Variants in MKLN1 observed in about 807,000 individuals in gnomAD.
MKLN1 encodes muskelin.
In MKLN1, 18 loss-of-function variants were observed where a neutral mutation model predicts 99.0. The ratio of observed to expected loss-of-function variants is 0.18; its 90% CI spans 0.13 to 0.27. The LOEUF (loss-of-function observed/expected upper bound fraction) is 0.27, where lower values mean the gene tolerates loss of function less well. Among genes scored for constraint, MKLN1 ranks in the 10% least tolerant of loss-of-function variants. The pLI is 1.00. For missense variants in MKLN1, 621 were observed against 875.9 expected (o/e 0.71, Z 3.67); for synonymous variants, 288 against 293.2 (o/e 0.98, Z 0.18).
intron 1 of MKLN1, among the ~76,000 whole-genome samples, chr7:131,339,122 A>G (rs1439772866): frequency 6.6e-6 from 1 of 152,228 alleles, no homozygotes. Context: ...TAAGGCTTCT[A>G]GTCAACAGTA....
chr7:131,152,603 G>A (rs945017229), intron 2 of MKLN1, among the ~76,000 whole-genome samples: 3 of 150,684 alleles, frequency 2.0e-5, no homozygotes, highest in East Asian at 3.9e-4. Context: ...GGGGTCAAGC[G>A]ATTCTCCTGC....
chr7:131,350,957 A>C (rs933212174), intron 1 of MKLN1, among the ~76,000 whole-genome samples: 3 of 152,228 alleles, frequency 2.0e-5, no homozygotes, highest in Non-Finnish European at 2.9e-5. Flanking sequence ...TAATTCTTTA[A>C]TTACAATTAA....
intron 3 of MKLN1, among the ~76,000 whole-genome samples, chr7:131,213,821 G>T (rs34282776): frequency 6.6e-6 from 1 of 151,934 alleles, no homozygotes; most frequent in Non-Finnish European, 1.5e-5. Flanking sequence ...TTATTGCTTC[G>T]CATGAGTTCT....
chr7:131,221,569 C>T (rs1466169529), intron 3 of MKLN1, among the ~76,000 whole-genome samples: 2 of 147,960 alleles, frequency 1.4e-5, no homozygotes, highest in Non-Finnish European at 3.0e-5. Flanking sequence ...AGGGCAGTGG[C>T]ATGATTTAGG....
intron 17 of MKLN1, among the ~76,000 whole-genome samples, chr7:131,486,381 T>C (rs149477485): frequency 6.6e-6 from 1 of 152,216 alleles, no homozygotes; most frequent in East Asian, 1.9e-4. Flanking sequence ...TTTGTTAAAC[T>C]CAAGCTCATC....
chr7:131,144,495 A>G (rs1291633101), intron 2 of MKLN1, among the ~76,000 whole-genome samples: 1 of 151,492 alleles, frequency 6.6e-6, no homozygotes, highest in Non-Finnish European at 1.5e-5. Context: ...AAAAAAAAAA[A>G]AGTTTTTCTT....
chr7:131,464,670 T>C (rs1161514015), intron 14 of MKLN1, among the ~76,000 whole-genome samples: 2 of 152,238 alleles, frequency 1.3e-5, no homozygotes, highest in Non-Finnish European at 2.9e-5. Context: ...TAGATCTAGA[T>C]ACATGACATA....
At chr7:131,397,405 A>G (rs770151372) in intron 5 of MKLN1, 29 bp downstream of exon 5, 1 of 1,180,528 alleles carries the variant, frequency 8.5e-7, no homozygotes, top group Non-Finnish European at 1.2e-6. Flanking sequence ...TCCTGACTTT[A>G]ATGCCTATAA....
At chr7:131,341,474 A>T (rs1584624872) in intron 1 of MKLN1, among the ~76,000 whole-genome samples, 2 of 152,156 alleles carry the variant, frequency 1.3e-5, no homozygotes, top group East Asian at 1.9e-4. Flanking sequence ...TCCATTTAGG[A>T]TGTTGTTTTC....
At chr7:131,393,648 A>G (rs2116200493) in intron 4 of MKLN1, among the ~76,000 whole-genome samples, 1 of 151,988 alleles carries the variant, frequency 6.6e-6, no homozygotes, top group African/African-American at 2.4e-5. Context: ...TTTTTAAGAG[A>G]CAGGGTCTTT....
intron 1 of MKLN1, among the ~76,000 whole-genome samples, chr7:131,129,683 C>G (rs1048163773): frequency 1.3e-5 from 2 of 152,168 alleles, no homozygotes; most frequent in Non-Finnish European, 2.9e-5. Flanking sequence ...AAGTGATCCT[C>G]CTGACTCAGC....
intron 3 of MKLN1, among the ~76,000 whole-genome samples, chr7:131,240,209 A>G (rs993528625): frequency 6.6e-6 from 1 of 152,086 alleles, no homozygotes; most frequent in South Asian, 2.1e-4. Context: ...AATGGTGACT[A>G]TTATAAGTAA....
chr7:131,233,403 AATAAAAAT>A (rs1797272240), intron 3 of MKLN1, among the ~76,000 whole-genome samples: 1 of 148,956 alleles, frequency 6.7e-6, no homozygotes, highest in African/African-American at 2.5e-5. Flanking sequence ...TAAATAAATA[AATAAAAAT>A]AAAGTTTATA....
intron 1 of MKLN1, among the ~76,000 whole-genome samples, chr7:131,374,264 C>T (rs1315313142): frequency 6.6e-6 from 1 of 152,034 alleles, no homozygotes; most frequent in East Asian, 1.9e-4. Flanking sequence ...TGGAAACATA[C>T]CATTGTGGAA....
In MKLN1 at chr7:131,490,745, T is replaced by C. The variant is rs1169073201; in HGVS notation, c.*3017T>C. ...TTTAGAGCTCAGTGATTTAAGCTTG[T>C]AAAACTGCATTCTTGGGCAAAATAT... On this transcript the variant is annotated 3_prime_UTR_variant, in exon 18 of 18. Coordinates refer to ENST00000352689, the MANE Select transcript of MKLN1 (RefSeq NM_013255.5). 1.3e-5 allele frequency: 2 copies of C among 152,616 alleles called. No individual in the cohort carries two copies. Among genetic ancestry groups the C allele is most frequent in the Non-Finnish European group, 2.9e-5 (2 of 68,024 alleles). 9.5% of individuals were successfully genotyped at this position (152,616 alleles called of 1,614,324 possible).
In MKLN1 at chr7:131,490,007, C is replaced by T. The variant is rs1797385640; in HGVS notation, c.*2279C>T. 6.6e-6 allele frequency: 1 copy of T among 152,486 alleles called. No individual in the cohort carries two copies. Among genetic ancestry groups the T allele is most frequent in the South Asian group, 2.1e-4 (1 of 4,830 alleles). The allele number at this position is 152,486 out of a possible 1,614,324, so 9.4% of individuals were successfully genotyped here. A position where few individuals can be genotyped will look rare whatever the true frequency, so the allele number is the denominator to read the frequency against. ...AAAAGTCAGACTCTGTACTGTGGGG[C>T]TTTAATCGGAGCACTGCTGGAAATG... On this transcript the variant is annotated 3_prime_UTR_variant, in exon 18 of 18. Transcript: ENST00000352689.
chr7:131,347,775 A>G (rs1799607849), intron 1 of MKLN1, among the ~76,000 whole-genome samples: 1 of 152,186 alleles, frequency 6.6e-6, no homozygotes, highest in South Asian at 2.1e-4. Flanking sequence ...CTTTTGGTTA[A>G]TCTGATGCCT....
rs1563278364 is a variant in MKLN1 at position 131,283,342 on chromosome 7, T to C, written c.-179+80368T>C. 7.1e-3 allele frequency among the ~76,000 whole-genome samples: 136 copies of C among 19,164 alleles called. 5 individuals carry two copies. Among genetic ancestry groups the C allele is most frequent in the African/African-American group, 0.026 (129 of 5,028 alleles). 12.6% of individuals were successfully genotyped at this position (19,164 alleles called of 152,430 possible). ...CCCTCCCTCCCTCCTTCCCTTCCCT[T>C]CCCCTCCTTCCTTCCTTCCTTCCTT... On this transcript the variant is annotated intron_variant, in intron 3 of 7. Coordinates refer to the MKLN1 transcript ENST00000416992.
intron 2 of MKLN1, among the ~76,000 whole-genome samples, chr7:131,377,586 A>G (rs1793703006): frequency 6.6e-6 from 1 of 152,132 alleles, no homozygotes; most frequent in Non-Finnish European, 1.5e-5. Flanking sequence ...TTTTCTGAAA[A>G]AAGGAAAATT....
Sources: gnomAD v4.1 joint callset for allele counts (sites outside exome capture counted in the v4.1 genomes callset) on GRCh38, gnomAD v4.1.1 for gene constraint, MANE v1.5 for transcripts, NCBI Gene and HGNC (gene_info 2026-07-23, HGNC 2026-07-21) for gene names.